The following CDH13 variants were observed in gnomAD, a reference collection of about 807,000 sequenced individuals.
CDH13 encodes the protein cadherin 13.
CDH13 carries 24 observed loss-of-function variants against 63.8 expected under a neutral mutation model. The observed-to-expected ratio is 0.38, with a 90% confidence interval of 0.27 to 0.53. CDH13 has a LOEUF of 0.53. Among genes scored for constraint, CDH13 ranks in the 20% least tolerant of loss-of-function variants. The pLI, the probability that CDH13 is intolerant of heterozygous loss-of-function variation, is 0.85. For missense variants in CDH13, 1,049 were observed against 903.1 expected, an observed-to-expected ratio of 1.16 and a Z score of -2.07; for synonymous variants, 503 against 355.3, an observed-to-expected ratio of 1.42 and a Z score of -4.67.
intron 4 of CDH13, chr16:83,180,761 T>C: frequency 1.3e-6 from 1 of 771,654 alleles, no homozygotes; most frequent in Middle Eastern, 2.3e-4. Context: ...GGTAATGTTC[T>C]TTAAGACAAA....
chr16:83,345,817 G>A (rs924956934), intron 6 of CDH13, among the ~76,000 whole-genome samples: 2 of 152,084 alleles, frequency 1.3e-5, no homozygotes, highest in African/African-American at 2.4e-5. Context: ...CATATTAAGA[G>A]TATCATATTA....
intron 6 of CDH13, among the ~76,000 whole-genome samples, chr16:83,352,708 G>A (rs1204665588): frequency 6.6e-6 from 1 of 152,142 alleles, no homozygotes; most frequent in South Asian, 2.1e-4. Flanking sequence ...GGCTAACACG[G>A]TGAAACCCCG....
intron 1 of CDH13, among the ~76,000 whole-genome samples, chr16:82,733,638 G>A (rs1016239052): frequency 1.3e-5 from 2 of 152,172 alleles, no homozygotes; most frequent in African/African-American, 4.8e-5. Flanking sequence ...AGGTTCTATA[G>A]ATGCTCAAGG....
intron 2 of CDH13, among the ~76,000 whole-genome samples, chr16:82,874,832 G>C (rs547437488): frequency 4.6e-5 from 7 of 152,158 alleles, no homozygotes; most frequent in Non-Finnish European, 7.4e-5. Context: ...AAGAGACTCA[G>C]CATGAAATTC....
At chr16:83,017,374 C>A (rs149206904) in intron 2 of CDH13, among the ~76,000 whole-genome samples, 1 of 152,190 alleles carries the variant, frequency 6.6e-6, no homozygotes, top group African/African-American at 2.4e-5. Flanking sequence ...ATGTCCTGTG[C>A]TGCTAAGCTG....
intron 6 of CDH13, among the ~76,000 whole-genome samples, chr16:83,377,404 A>T (rs2091479169): frequency 6.6e-6 from 1 of 152,106 alleles, no homozygotes; most frequent in African/African-American, 2.4e-5. Context: ...CTATCTCTCT[A>T]TGTGGATATA....
Position 83,646,908 on chromosome 16 carries a change from C to G in CDH13, c.1102-23882C>G, listed in dbSNP as rs369618890. ...CTTTCCCCTTCACCTGCTAATGAGG[C>G]CTGGAACTTGCAGTCCACATCACAG... is the stretch of plus-strand genomic sequence containing the variant. On this transcript the variant is annotated intron_variant, in intron 8 of 13. Coordinates refer to ENST00000567109, the MANE Select transcript of CDH13 (RefSeq NM_001257.5). 1.4e-3 allele frequency among the ~76,000 whole-genome samples: 219 copies of G among 152,094 alleles called. 7 individuals are homozygous for G. The South Asian group carries it at 0.044, about 31-fold the overall frequency.
chr16:83,586,224 G>A (rs771799882), intron 7 of CDH13, among the ~76,000 whole-genome samples: 3 of 152,214 alleles, frequency 2.0e-5, no homozygotes, highest in Non-Finnish European at 4.4e-5. Context: ...ACAAGGGAGC[G>A]TGATGCACAC....
chr16:82,837,241 T>C (rs568935197), intron 1 of CDH13, among the ~76,000 whole-genome samples: 18 of 152,302 alleles, frequency 1.2e-4, no homozygotes, highest in African/African-American at 4.1e-4. Context: ...CTATCTTAAT[T>C]ACTTTGTCTG....
chr16:83,699,724 T>C (rs1011498956), intron 10 of CDH13, among the ~76,000 whole-genome samples: 2 of 152,176 alleles, frequency 1.3e-5, no homozygotes, highest in Middle Eastern at 3.2e-3. Flanking sequence ...TTTAGAGGCA[T>C]GGAAAGGGCA....
rs4354927 is a variant in CDH13 at position 82,838,453 on chromosome 16, C to G, written c.46-19909C>G. ...CCAAAGAACAAATGAAGCCCCCACACCCTTCCTGTTTATTGACTTAAAGTA... is the reference window on the plus strand; with the variant it reads ...CCAAAGAACAAATGAAGCCCCCACAGCCTTCCTGTTTATTGACTTAAAGTA... On this transcript the variant is annotated intron_variant, in intron 1 of 13. Transcript: ENST00000567109. 3.9e-5 allele frequency among the ~76,000 whole-genome samples: 6 copies of G among 152,084 alleles called. No homozygotes were observed. The East Asian group carries it at 9.7e-4, about 25-fold the overall frequency.
chr16:83,447,876 A>G (rs1162344261), intron 6 of CDH13, among the ~76,000 whole-genome samples: 1 of 151,998 alleles, frequency 6.6e-6, no homozygotes, highest in Non-Finnish European at 1.5e-5. Context: ...AAGCTCCCAC[A>G]TCAAGTAGCC....
intron 1 of CDH13, among the ~76,000 whole-genome samples, chr16:82,828,745 A>T (rs1050517353): frequency 2.6e-5 from 4 of 152,160 alleles, no homozygotes; most frequent in African/African-American, 9.7e-5. Context: ...TACAAATAAA[A>T]ATACAGTACA....
intron 1 of CDH13, among the ~76,000 whole-genome samples, chr16:82,640,985 G>A (rs1285277589): frequency 6.6e-6 from 1 of 152,168 alleles, no homozygotes; most frequent in East Asian, 1.9e-4. Context: ...GGGTTAAGTT[G>A]GTAAATGATC....
At chr16:83,273,322 C>G (rs1237634953) in intron 5 of CDH13, among the ~76,000 whole-genome samples, 2 of 151,702 alleles carry the variant, frequency 1.3e-5, no homozygotes, top group South Asian at 4.2e-4. Flanking sequence ...TTTTTCAATC[C>G]TCTCCCACCC....
At chr16:82,823,820 T>G (rs1408330447) in intron 1 of CDH13, 1 of 152,202 alleles carries the variant, frequency 6.6e-6, no homozygotes, top group African/African-American at 2.4e-5. Flanking sequence ...TAATTTAAAA[T>G]GCTAGAGAAT....
intron 4 of CDH13, among the ~76,000 whole-genome samples, chr16:83,165,744 G>T (rs1425845732): frequency 6.6e-6 from 1 of 152,126 alleles, no homozygotes; most frequent in Non-Finnish European, 1.5e-5. Context: ...GTGCCGGTTT[G>T]ACCTCAAAAT....
chr16:82,899,501 C>A (rs528288491), intron 2 of CDH13, among the ~76,000 whole-genome samples: 1 of 152,078 alleles, frequency 6.6e-6, no homozygotes, highest in East Asian at 1.9e-4. Flanking sequence ...TTGATGATAA[C>A]GAATATCCTG....
chr16:83,109,031 T>C lies in CDH13; in HGVS notation c.367-16354T>C, dbSNP rs151213498. ...TGACCCACCAATAAAGTACTTGCTGTTAAATCCTCAATCTTAGGGTCTGCT... is the reference window on the plus strand; with the variant it reads ...TGACCCACCAATAAAGTACTTGCTGCTAAATCCTCAATCTTAGGGTCTGCT... On this transcript the variant is annotated intron_variant, in intron 3 of 13. Transcript: ENST00000567109. Among the ~76,000 whole-genome samples the C allele has an allele frequency of 3.8e-3, 563 of 150,120 alleles. 8 individuals are homozygous for C. The highest frequency in any genetic ancestry group is 0.013 in the African/African-American group (534 of 40,406).
Sources: allele counts gnomAD v4.1 joint callset (sites outside exome capture counted in the v4.1 genomes callset), GRCh38; gene constraint gnomAD v4.1.1; transcripts MANE v1.5; gene names NCBI Gene and HGNC (gene_info 2026-07-23, HGNC 2026-07-21).